ADAMTSL1: variants seen among roughly 807,000 people sequenced by gnomAD.
ADAMTSL1 encodes the protein ADAMTS like 1.
In ADAMTSL1, 126 loss-of-function variants were observed where a neutral mutation model predicts 201.8. That is an observed-to-expected ratio of 0.62 (90% CI 0.54 to 0.72). ADAMTSL1 has a LOEUF of 0.72. ADAMTSL1 is among the 30% of genes least tolerant of loss of function. The pLI, the probability that ADAMTSL1 is intolerant of heterozygous loss-of-function variation, is 0.00. For synonymous variants in ADAMTSL1, 1,121 were observed against 903.4 expected (o/e 1.24, Z -4.32); for missense variants, 2,679 against 2,277.8 (o/e 1.18, Z -3.59).
chr9:18,187,655 A>G (rs755159417), intron 2 of ADAMTSL1, among the ~76,000 whole-genome samples: 89 of 152,224 alleles, frequency 5.8e-4, no homozygotes, highest in Non-Finnish European at 1.1e-3. Context: ...TTTTTAATAT[A>G]TATTTGGACT....
chr9:18,164,203 G>A (rs1305612319), intron 2 of ADAMTSL1, among the ~76,000 whole-genome samples: 13 of 151,832 alleles, frequency 8.6e-5, no homozygotes, highest in East Asian at 2.0e-4. Flanking sequence ...TTACTCAAGC[G>A]TTAAAGTTTG....
chr9:18,655,833 A>AAAAAAAAAAAAAAAAAAAC (rs1828618330), intron 7 of ADAMTSL1, among the ~76,000 whole-genome samples: 1 of 99,542 alleles, frequency 1.0e-5, no homozygotes, highest in African/African-American at 3.2e-5. Context: ...AAAAAAAAAA[A>AAAAAAAAAAAAAAAAAAAC]AAAAGAACTT....
Position 18,715,761 on chromosome 9 carries a change from A to C in ADAMTSL1, c.1877-5775A>C, listed in dbSNP as rs901405854. 4.0e-5 allele frequency among the ~76,000 whole-genome samples: 6 copies of C among 151,644 alleles called. No individual in the cohort carries two copies. The East Asian group carries it at 5.8e-4, about 15-fold the overall frequency. On this transcript the variant is annotated intron_variant, in intron 14 of 28. Coordinates refer to ENST00000380548, the MANE Select transcript of ADAMTSL1 (RefSeq NM_001040272.6). ...CTTTAAAGTTCATATGGAACCAAAA[A>C]AGAGCCCACATTGCCCAGTCAATCC...
rs567976348 is a variant in ADAMTSL1 at position 18,033,507 on chromosome 9, T to A, written c.87+126585T>A. Reference sequence around the variant, plus strand: ...CTAGTTGTCCAAAGTCAGCTTCAAATACATATACTCATCTAAAAAACTGAA... The same window carrying A: ...CTAGTTGTCCAAAGTCAGCTTCAAAAACATATACTCATCTAAAAAACTGAA... On this transcript the variant is annotated intron_variant, in intron 1 of 29. Transcript: ENST00000680146. Among the ~76,000 whole-genome samples, 4 of 152,348 alleles carry A rather than the reference T, an allele frequency of 2.6e-5. No individual in the cohort carries two copies. The South Asian group carries it at 8.3e-4, about 32-fold the overall frequency.
chr9:18,650,016 G>GGCAT, intron 7 of ADAMTSL1, among the ~76,000 whole-genome samples: 1 of 152,344 alleles, frequency 6.6e-6, no homozygotes, highest in East Asian at 1.9e-4. Flanking sequence ...GAGGCAGGCA[G>GGCAT]GCCTCCTTGA....
intron 16 of ADAMTSL1, among the ~76,000 whole-genome samples, chr9:18,763,113 C>T (rs1466775942): frequency 1.3e-5 from 2 of 152,218 alleles, no homozygotes; most frequent in Non-Finnish European, 2.9e-5. Flanking sequence ...TACTAATTTA[C>T]ATTCCCACCC....
At chr9:18,176,137 A>G (rs1828143974) in intron 2 of ADAMTSL1, among the ~76,000 whole-genome samples, 1 of 151,970 alleles carries the variant, frequency 6.6e-6, no homozygotes, top group African/African-American at 2.4e-5. Flanking sequence ...GAATGTTGTC[A>G]ATTTGTTGTA....
At chr9:18,047,537 G>T (rs73645704) in intron 1 of ADAMTSL1, among the ~76,000 whole-genome samples, 1,982 of 152,216 alleles carry the variant, frequency 0.013, 36 homozygotes, top group African/African-American at 0.045. Flanking sequence ...CTAAAATTTA[G>T]ATAAGTGAAG....
intron 2 of ADAMTSL1, among the ~76,000 whole-genome samples, chr9:18,392,218 A>G (rs1407073616): frequency 1.3e-5 from 2 of 152,188 alleles, no homozygotes; most frequent in Non-Finnish European, 2.9e-5. Context: ...TAAGGGTCCT[A>G]CTACTTTATG....
intron 7 of ADAMTSL1, among the ~76,000 whole-genome samples, chr9:18,653,441 A>G (rs1175650859): frequency 6.6e-6 from 1 of 152,146 alleles, no homozygotes; most frequent in Non-Finnish European, 1.5e-5. Context: ...TCTCTGATCT[A>G]CTGCCCTACT....
At chr9:17,935,088 C>T (rs1826951258) in intron 1 of ADAMTSL1, among the ~76,000 whole-genome samples, 1 of 151,944 alleles carries the variant, frequency 6.6e-6, no homozygotes, top group Non-Finnish European at 1.5e-5. Flanking sequence ...AGTATTACTC[C>T]TCAGAAACTG....
chr9:18,861,761 A>T (rs1056955082), intron 23 of ADAMTSL1, among the ~76,000 whole-genome samples: 1 of 152,136 alleles, frequency 6.6e-6, no homozygotes, highest in African/African-American at 2.4e-5. Flanking sequence ...AAGGCCAGAC[A>T]TCACTTGCCA....
chr9:18,343,592 A>G (rs1164419370), intron 2 of ADAMTSL1, among the ~76,000 whole-genome samples: 1 of 152,140 alleles, frequency 6.6e-6, no homozygotes, highest in Non-Finnish European at 1.5e-5. Context: ...TTAATTCTAA[A>G]CCCTCTTTTA....
At chr9:18,043,639 G>A (rs1821528991) in intron 1 of ADAMTSL1, among the ~76,000 whole-genome samples, 1 of 152,040 alleles carries the variant, frequency 6.6e-6, no homozygotes, top group Admixed American at 6.6e-5. Flanking sequence ...ATGGCCAGCA[G>A]CAAAGGGCAG....
chr9:18,121,939 C>G (rs1394759024), intron 1 of ADAMTSL1, among the ~76,000 whole-genome samples: 1 of 152,112 alleles, frequency 6.6e-6, no homozygotes, highest in African/African-American at 2.4e-5. Flanking sequence ...CTACCCAGCC[C>G]CTAGCCACCA....
intron 1 of ADAMTSL1, among the ~76,000 whole-genome samples, chr9:18,055,242 A>T (rs1374819189): frequency 6.6e-6 from 1 of 152,244 alleles, no homozygotes; most frequent in Non-Finnish European, 1.5e-5. Context: ...ATACATAGCT[A>T]TCCTTACAGA....
chr9:18,493,162 T>C (rs1281460404), intron 1 of ADAMTSL1, among the ~76,000 whole-genome samples: 2 of 152,202 alleles, frequency 1.3e-5, no homozygotes, highest in African/African-American at 2.4e-5. Flanking sequence ...TATTTAGTTT[T>C]ATGGAAAATC....
intron 4 of ADAMTSL1, among the ~76,000 whole-genome samples, chr9:18,595,358 G>GCA (rs1824196008): frequency 6.6e-6 from 1 of 152,188 alleles, no homozygotes; most frequent in Admixed American, 6.5e-5. Flanking sequence ...GCAGGTCCCT[G>GCA]CACAGACGGG....
intron 2 of ADAMTSL1, among the ~76,000 whole-genome samples, chr9:18,227,411 G>A (rs922325817): frequency 6.6e-6 from 1 of 152,150 alleles, no homozygotes; most frequent in Non-Finnish European, 1.5e-5. Flanking sequence ...CTACAGTAGA[G>A]GTACATTCAG....
Sources: gnomAD v4.1 joint callset for allele counts (sites outside exome capture counted in the v4.1 genomes callset) on GRCh38, gnomAD v4.1.1 for gene constraint, MANE v1.5 for transcripts, NCBI Gene and HGNC (gene_info 2026-07-23, HGNC 2026-07-21) for gene names.